The following PCNX1 variants were observed in gnomAD, a reference collection of about 807,000 sequenced individuals.
PCNX1 encodes pecanex 1.
A neutral mutation model predicts 242.2 loss-of-function variants in PCNX1; 78 were observed. The observed-to-expected ratio is 0.32, with a 90% CI of 0.27 to 0.39. PCNX1 has a LOEUF of 0.39. Ranked by LOEUF, PCNX1 falls within the 10% of genes least tolerant of loss-of-function variation. PCNX1 has a pLI of 1.00. For synonymous variants in PCNX1, 1,024 were observed against 1,032.9 expected (o/e 0.99, Z 0.17); for missense variants, 2,581 against 2,856.5 (o/e 0.90, Z 2.20).
intron 19 of PCNX1, among the ~76,000 whole-genome samples, chr14:71,044,199 A>T (rs540357034): frequency 1.3e-5 from 2 of 152,138 alleles, no homozygotes; most frequent in Non-Finnish European, 2.9e-5. Context: ...GCTAGTCCTC[A>T]GGTGCCAGTA....
At chr14:70,969,357 A>G (rs2251394) in intron 5 of PCNX1, 183,935 of 377,642 alleles carry the variant, frequency 0.49, 47,173 homozygotes, top group Non-Finnish European at 0.56. Flanking sequence ...CATATGCCCC[A>G]GAGTGAATAT....
At chr14:71,026,672 T>A (rs985111780) in intron 14 of PCNX1, 100 bp from the exon 15 acceptor site, 8 of 511,318 alleles carry the variant, frequency 1.6e-5, no homozygotes, top group Non-Finnish European at 2.4e-5. Context: ...TGCTTAGTAG[T>A]TTATGTTAAT....
At chr14:70,949,427 A>C (rs753541847) in intron 2 of PCNX1, among the ~76,000 whole-genome samples, 1 of 151,540 alleles carries the variant, frequency 6.6e-6, no homozygotes, top group African/African-American at 2.4e-5. Context: ...ACATATATAC[A>C]CGTATATATG....
intron 22 of PCNX1, among the ~76,000 whole-genome samples, chr14:71,048,785 A>G (rs1474287013): frequency 6.6e-6 from 1 of 152,134 alleles, no homozygotes; most frequent in Non-Finnish European, 1.5e-5. Flanking sequence ...AGGTACAGAG[A>G]ACAGCTTAAG....
chr14:71,064,197 A>T (rs1279857123), intron 26 of PCNX1, among the ~76,000 whole-genome samples: 1 of 152,138 alleles, frequency 6.6e-6, no homozygotes, highest in Non-Finnish European at 1.5e-5. Context: ...CTATTAATTA[A>T]TATTAATAAT....
At chr14:70,988,872 C>T (rs1013021805) in intron 7 of PCNX1, among the ~76,000 whole-genome samples, 173 bp downstream of exon 7, 1 of 152,064 alleles carries the variant, frequency 6.6e-6, no homozygotes, top group Middle Eastern at 3.2e-3. Flanking sequence ...GAGCCTGTTG[C>T]ATTATGCATG....
chr14:71,031,702 A>C (rs2060388737), intron 16 of PCNX1: 1 of 844,278 alleles, frequency 1.2e-6, no homozygotes, highest in Non-Finnish European at 2.0e-6. Flanking sequence ...CCCCAGAGCT[A>C]AGTGGCCTTT....
intron 8 of PCNX1, among the ~76,000 whole-genome samples, chr14:71,006,204 T>G: frequency 6.6e-6 from 1 of 151,034 alleles, no homozygotes; most frequent in Non-Finnish European, 1.5e-5. Context: ...CCTGGGCTTG[T>G]CTTGAACTCC....
chr14:71,059,532 C>T (rs1330299302), intron 26 of PCNX1, among the ~76,000 whole-genome samples: 1 of 151,936 alleles, frequency 6.6e-6, no homozygotes, highest in Non-Finnish European at 1.5e-5. Context: ...TACAGGTGCA[C>T]ACCACCACTC....
chr14:71,100,286 G>A lies in PCNX1; in HGVS notation c.5590-1704G>A, dbSNP rs117037409. 3.7e-3 allele frequency among the ~76,000 whole-genome samples: 562 copies of A among 152,242 alleles called. 5 individuals carry two copies. Among genetic ancestry groups the A allele is most frequent in the Non-Finnish European group, 6.0e-3 (407 of 67,998 alleles). On this transcript the variant is annotated intron_variant, in intron 30 of 35. Transcript: ENST00000304743. ...CCCTTAAGGATCTCTTATAAGGCTG[G>A]TTAAGTGGTAACAAACTTCCTTAGC... is the stretch of plus-strand genomic sequence containing the variant.
chr14:71,012,250 AG>A (rs988159610), intron 10 of PCNX1: 1 of 152,880 alleles, frequency 6.5e-6, no homozygotes, highest in African/African-American at 2.4e-5. Flanking sequence ...GATCCAATGC[AG>A]TGGGGCTCAG....
At chr14:71,080,733 T>G (rs2061833954) in intron 28 of PCNX1, among the ~76,000 whole-genome samples, 2 of 152,272 alleles carry the variant, frequency 1.3e-5, no homozygotes, top group South Asian at 2.1e-4. Context: ...CTTGAGACTT[T>G]GCTGAAGTTG....
intron 34 of PCNX1, 45 bp from the exon 35 acceptor site, chr14:71,109,407 C>T: frequency 6.5e-7 from 1 of 1,535,422 alleles, no homozygotes; most frequent in Middle Eastern, 1.7e-4. Context: ...AATTTTTCAT[C>T]ATCAAGAAAA....
chr14:70,961,303 G>A, intron 2 of PCNX1, among the ~76,000 whole-genome samples: 1 of 152,120 alleles, frequency 6.6e-6, no homozygotes, highest in Non-Finnish European at 1.5e-5. Flanking sequence ...GCATGGTACT[G>A]GTACCAAAAC....
chr14:70,938,063 A>G (rs139495999), intron 1 of PCNX1, among the ~76,000 whole-genome samples: 250 of 152,322 alleles, frequency 1.6e-3, no homozygotes, highest in African/African-American at 5.7e-3. Context: ...ATATACAATC[A>G]TGTCATCTGC....
At chr14:70,927,331 T>C (rs1228091294) in intron 1 of PCNX1, among the ~76,000 whole-genome samples, 1 of 152,178 alleles carries the variant, frequency 6.6e-6, no homozygotes, top group Admixed American at 6.5e-5. Flanking sequence ...TAAATTTTTT[T>C]CTGTTAGGCA....
chr14:70,997,194 G>T (rs1394517796), intron 8 of PCNX1, among the ~76,000 whole-genome samples: 1 of 152,078 alleles, frequency 6.6e-6, no homozygotes, highest in Non-Finnish European at 1.5e-5. Context: ...TTCTTCAGTT[G>T]TAAATATATT....
Position 71,050,698 on chromosome 14 carries a change from C to T in PCNX1, c.4385C>T (p.Ala1462Val). 1 of 1,612,740 alleles carries T rather than the reference C, an allele frequency of 6.2e-7. No homozygotes were observed. The highest frequency in any genetic ancestry group is 1.7e-4 in the Middle Eastern group (1 of 6,056). ...YKLQFVYTYI[A>V]PWQITWGSAF... ...TTGCAGTTTGTGTATACCTATATTGCCCCATGGCAGATCACATGGGGTTCT... is the reference window on the plus strand; with the variant it reads ...TTGCAGTTTGTGTATACCTATATTGTCCCATGGCAGATCACATGGGGTTCT... Residue 1462 changes from alanine (A) to valine (V), a missense_variant, in exon 23 of 36, where the codon GCC (alanine) becomes GTC (valine). By Grantham distance (64) the Ala-to-Val change is moderately conservative (BLOSUM62 0). Around this residue, in one of 9 missense-constraint regions of PCNX1, gnomAD observed 99 missense variants for 147.3 expected, o/e 0.67. Coordinates refer to ENST00000304743, the MANE Select transcript of PCNX1 (RefSeq NM_014982.3).
intron 6 of PCNX1, among the ~76,000 whole-genome samples, chr14:70,980,293 G>A (rs755786765): frequency 1.3e-5 from 2 of 151,452 alleles, no homozygotes; most frequent in African/African-American, 4.9e-5. Context: ...TTTGCTTCTC[G>A]GTGCTGTTCT....
Sources: gnomAD v4.1 joint callset for allele counts (sites outside exome capture counted in the v4.1 genomes callset) on GRCh38, gnomAD v4.1.1 for gene constraint, gnomAD v4.1.1 regional missense constraint, MANE v1.5 for transcripts, NCBI Gene and HGNC (gene_info 2026-07-23, HGNC 2026-07-21) for gene names.